CTNNA1: variants seen among roughly 807,000 people sequenced by gnomAD.
CTNNA1 encodes catenin alpha 1.
A neutral mutation model predicts 98.4 loss-of-function variants in CTNNA1; 37 were observed. That is an observed-to-expected ratio of 0.38 (90% CI 0.29 to 0.49). The LOEUF (loss-of-function observed/expected upper bound fraction) is 0.49. Among genes scored for constraint, CTNNA1 ranks in the 20% least tolerant of loss-of-function variants. The pLI, the probability that CTNNA1 is intolerant of heterozygous loss-of-function variation, is 0.95. For missense variants in CTNNA1, 761 were observed against 1,147.2 expected (o/e 0.66, Z 4.86); for synonymous variants, 404 against 413.2 (o/e 0.98, Z 0.27).
At chr5:138,809,898 A>G in intron 3 of CTNNA1, 140 bp from the exon 4 acceptor site, 1 of 1,227,632 alleles carries the variant, frequency 8.1e-7, no homozygotes, top group Non-Finnish European at 1.1e-6. Flanking sequence ...AGGAACAGCA[A>G]ACAACAACAA....
Position 138,873,861 on chromosome 5 carries a change from G to T in CTNNA1, c.1063-12351G>T, listed in dbSNP as rs1750957261. The T allele has an allele frequency of 6.2e-7, 1 of 1,613,906 alleles. No individual in the cohort carries two copies. Among genetic ancestry groups the T allele is most frequent in the Admixed American group, 1.7e-5 (1 of 60,002 alleles). On this transcript the variant is annotated intron_variant, in intron 7 of 17. Transcript: ENST00000302763. This position sits in a 1 kb window ranked among gnomAD's most constrained non-coding sequence, Gnocchi z 6.1. Reference sequence around the variant, plus strand: ...CTGATTTTGTTCCATTGTAAGAAGAGCGTGTGCAGACTGCTTAGCCGTAGG... The same window carrying T: ...CTGATTTTGTTCCATTGTAAGAAGATCGTGTGCAGACTGCTTAGCCGTAGG...
chr5:138,777,872 GGGGAGA>G (rs1317418935), intron 1 of CTNNA1, among the ~76,000 whole-genome samples: 13 of 124,866 alleles, frequency 1.0e-4, no homozygotes, highest in East Asian at 5.3e-4. Context: ...GGGAGACCGT[GGGGAGA>G]GGGAGAGGGA....
At position 138,934,369 on chromosome 5, in the gene CTNNA1, C is replaced by T. The variant is rs1469958089; in HGVS notation, c.*280C>T. ...ATCCCACATTAGCTTGTTAGTAATG[C>T]TCTGACCAAGCCGAGATGCCCATTC... On this transcript the variant is annotated 3_prime_UTR_variant, in exon 18 of 18. Coordinates refer to ENST00000302763, the MANE Select transcript of CTNNA1 (RefSeq NM_001903.5). 1.3e-5 allele frequency: 5 copies of T among 386,718 alleles called. No individual in the cohort carries two copies. The highest frequency in any genetic ancestry group is 3.3e-5 in the South Asian group (1 of 30,544). 24.0% of individuals were successfully genotyped at this position (386,718 alleles called of 1,614,324 possible).
intron 3 of CTNNA1, among the ~76,000 whole-genome samples, chr5:138,796,762 C>T (rs1227620137): frequency 2.6e-5 from 4 of 152,110 alleles, no homozygotes; most frequent in Non-Finnish European, 5.9e-5. Context: ...AACTCTTCTC[C>T]TGGAAGCTTT....
rs191663395 is a variant in CTNNA1 at position 138,760,080 on chromosome 5, C to T, written c.-3+6570C>T. On this transcript the variant is annotated intron_variant, in intron 1 of 17. Coordinates refer to ENST00000302763, the MANE Select transcript of CTNNA1 (RefSeq NM_001903.5). ...CGCGATCTTGGCTCACCACAACCTCCGCCTCCCGGGTTCAAGCGATTCTCC... is the reference window on the plus strand; with the variant it reads ...CGCGATCTTGGCTCACCACAACCTCTGCCTCCCGGGTTCAAGCGATTCTCC... 8.2e-3 allele frequency among the ~76,000 whole-genome samples: 1,173 copies of T among 143,760 alleles called. 7 individuals carry two copies. Among genetic ancestry groups the T allele is most frequent in the Non-Finnish European group, 0.013 (871 of 65,418 alleles). 94.3% of individuals were successfully genotyped at this position (143,760 alleles called of 152,430 possible).
chr5:138,871,034 G>C (rs1265699671), intron 7 of CTNNA1: 1 of 152,126 alleles, frequency 6.6e-6, no homozygotes. Flanking sequence ...TTGTGATCTT[G>C]TCTGCTTTTT....
rs185586744 is a variant in CTNNA1 at position 138,791,758 on chromosome 5, G to A, written c.301+8386G>A. Among the ~76,000 whole-genome samples, 104 of 144,272 alleles carry A rather than the reference G, an allele frequency of 7.2e-4. No homozygotes were observed. In the East Asian group the frequency reaches 0.016, roughly 22 times the overall value. 94.6% of individuals were successfully genotyped at this position (144,272 alleles called of 152,430 possible). ...CTTAGTACCTATAGTTGATTTGTGA[G>A]CATACTCTAATGGTACTTGTTTTCT... On this transcript the variant is annotated intron_variant, in intron 3 of 17. Transcript: ENST00000302763.
intron 13 of CTNNA1, among the ~76,000 whole-genome samples, chr5:138,925,750 G>A (rs1040083102): frequency 2.6e-5 from 4 of 152,198 alleles, no homozygotes; most frequent in East Asian, 1.9e-4. Flanking sequence ...TTCATAATGC[G>A]GATTCAAGTT....
At chr5:138,793,199 TG>T (rs1310659962) in intron 3 of CTNNA1, among the ~76,000 whole-genome samples, 1 of 152,244 alleles carries the variant, frequency 6.6e-6, no homozygotes, top group Non-Finnish European at 1.5e-5. Context: ...ATATAAATTC[TG>T]AAAAATCATT....
At chr5:138,776,979 C>T (rs1376817991) in intron 1 of CTNNA1, among the ~76,000 whole-genome samples, 11 of 145,452 alleles carry the variant, frequency 7.6e-5, no homozygotes, top group South Asian at 6.6e-4. Flanking sequence ...CCGGACGGGG[C>T]GGCTGGCCTG....
intron 11 of CTNNA1, among the ~76,000 whole-genome samples, chr5:138,921,596 ATTTTT>A (rs386405098): frequency 3.8e-5 from 4 of 104,044 alleles, no homozygotes; most frequent in African/African-American, 1.2e-4. Flanking sequence ...ATTAGTGGTG[ATTTTT>A]TTTTTTTTTT....
chr5:138,887,196 A>AT (rs1754263727), intron 8 of CTNNA1, among the ~76,000 whole-genome samples: 1 of 152,074 alleles, frequency 6.6e-6, no homozygotes, highest in South Asian at 2.1e-4. Context: ...CTTTTGTATT[A>AT]TTTAAGTTGT....
At chr5:138,898,990 ATTACTACTTT>A (rs1757479549) in intron 9 of CTNNA1, among the ~76,000 whole-genome samples, 2 of 152,186 alleles carry the variant, frequency 1.3e-5, no homozygotes, top group Admixed American at 1.3e-4. Flanking sequence ...AGTGGTAGAA[ATTACTACTTT>A]TTTCTTGAAC....
chr5:138,766,176 G>T (rs1752921990), intron 1 of CTNNA1, among the ~76,000 whole-genome samples: 1 of 152,148 alleles, frequency 6.6e-6, no homozygotes, highest in South Asian at 2.1e-4. Flanking sequence ...TGTGACAAGT[G>T]CTGGGGGAAC....
rs140432533 is a variant in CTNNA1, at chr5:138,766,716, G to C, written c.-3+13206G>C. The stretch of plus-strand genomic sequence containing the variant: ...GGAAGGCCACAGGGGGAATGCAGTG[G>C]AGTATAGAGGGGATGCTTGGTTTGG... On this transcript the variant is annotated intron_variant, in intron 1 of 17. Transcript: ENST00000302763. Among the ~76,000 whole-genome samples, 79 of 152,186 alleles carry C rather than the reference G, an allele frequency of 5.2e-4. 1 individual carries two copies. Among genetic ancestry groups the C allele is most frequent in the Admixed American group, 2.0e-3 (30 of 15,280 alleles).
rs70982738 is a variant in CTNNA1 at position 138,892,328 on chromosome 5, G to GTTTTTTT, written c.1296+4709_1296+4715dup. Among the ~76,000 whole-genome samples, 47 of 79,248 alleles carry GTTTTTTT rather than the reference G, an allele frequency of 5.9e-4. 6 individuals are homozygous for GTTTTTTT. Among genetic ancestry groups the GTTTTTTT allele is most frequent in the East Asian group, 5.8e-3 (9 of 1,554 alleles). The allele number at this position is 79,248 out of a possible 152,430, so 52.0% of individuals were successfully genotyped here. A position where few individuals can be genotyped will look rare whatever the true frequency, so the allele number is the denominator to read the frequency against. On this transcript the variant is annotated intron_variant, in intron 9 of 17. Transcript: ENST00000302763. ...TGGAAAAAGAATATAAAATAGCTTAGTTTTTTTTTTTTTTTTTTTTTTTTT... is the reference window on the plus strand; with the variant it reads ...TGGAAAAAGAATATAAAATAGCTTAGTTTTTTTTTTTTTTTTTTTTTTTTTTTTTTTT...
intron 1 of CTNNA1, among the ~76,000 whole-genome samples, chr5:138,767,922 T>C (rs573627658): frequency 1.3e-5 from 2 of 152,180 alleles, no homozygotes; most frequent in South Asian, 4.1e-4. Context: ...GCATTGGCTC[T>C]CCCTGGGAGC....
At chr5:138,866,273 CATTTATTTATTT>C (rs201730664) in intron 7 of CTNNA1, among the ~76,000 whole-genome samples, 2,142 of 138,568 alleles carry the variant, frequency 0.015, 45 homozygotes, top group South Asian at 0.079. Flanking sequence ...TGTTGTAACT[CATTTATTTATTT>C]ATTTATTTAT....
At chr5:138,928,038 C>T (rs555647136) in intron 13 of CTNNA1, among the ~76,000 whole-genome samples, 3 of 152,258 alleles carry the variant, frequency 2.0e-5, no homozygotes, top group East Asian at 3.9e-4. Flanking sequence ...TTGCACAGCA[C>T]GTTCTTGGTG....
Sources: gnomAD v4.1 joint callset for allele counts (sites outside exome capture counted in the v4.1 genomes callset) on GRCh38, gnomAD v4.1.1 for gene constraint, Gnocchi (gnomAD v3.1) non-coding constraint, MANE v1.5 for transcripts, NCBI Gene and HGNC (gene_info 2026-07-23, HGNC 2026-07-21) for gene names.